Variants in EDIL3 observed in about 807,000 individuals in gnomAD.
EDIL3 encodes the protein EGF like and discoidin domains 3.
EDIL3 carries 37 observed loss-of-function variants against 67.4 expected under a neutral mutation model. The observed-to-expected ratio is 0.55, with a 90% confidence interval of 0.42 to 0.72. The LOEUF is 0.72. Ranked by LOEUF, EDIL3 falls within the 30% of genes least tolerant of loss-of-function variation. EDIL3 has a pLI of 0.00. For missense variants in EDIL3, 527 were observed against 586.3 expected (o/e 0.90, Z 1.04); for synonymous variants, 195 against 196.3 (o/e 0.99, Z 0.05).
At chr5:83,947,496 T>C (rs1744334337) in intron 10 of EDIL3, among the ~76,000 whole-genome samples, 1 of 151,470 alleles carries the variant, frequency 6.6e-6, no homozygotes, top group Non-Finnish European at 1.5e-5. Context: ...AATGGAGAAG[T>C]TAAATAAGAA....
intron 9 of EDIL3, among the ~76,000 whole-genome samples, chr5:84,056,251 C>T (rs1317732537): frequency 2.0e-5 from 3 of 151,740 alleles, no homozygotes; most frequent in Non-Finnish European, 4.4e-5. Flanking sequence ...TGTTCTCACT[C>T]ATAGGTGGGA....
chr5:83,970,282 A>ATATATATATATATATG (rs1491302084), intron 9 of EDIL3, among the ~76,000 whole-genome samples: 1 of 129,424 alleles, frequency 7.7e-6, no homozygotes, highest in Non-Finnish European at 1.7e-5. Context: ...ATATATATAT[A>ATATATATATATATATG]GTCTCTTTCA....
chr5:84,079,528 T>A (rs1485412435), intron 6 of EDIL3, among the ~76,000 whole-genome samples: 1 of 152,096 alleles, frequency 6.6e-6, no homozygotes, highest in Non-Finnish European at 1.5e-5. Flanking sequence ...AAGTAAAGTG[T>A]TAAGTGAAAG....
intron 6 of EDIL3, among the ~76,000 whole-genome samples, chr5:84,095,063 G>T (rs1747239928): frequency 6.6e-6 from 1 of 151,994 alleles, no homozygotes; most frequent in African/African-American, 2.4e-5. Flanking sequence ...CCAACAACAA[G>T]GTTCCCACAT....
In EDIL3 at chr5:84,071,141, TGA is replaced by T. The variant is rs530261113; in HGVS notation, c.652-4537_652-4536del. On this transcript the variant is annotated intron_variant, in intron 6 of 10. Coordinates refer to ENST00000296591, the MANE Select transcript of EDIL3 (RefSeq NM_005711.5). Reference sequence around the variant, plus strand: ...GGACTAAGGAGGTAAATCAGAGTGATGAGGTCCTGGTAAGAGCAGTGTCTAAG... The same window carrying T: ...GGACTAAGGAGGTAAATCAGAGTGATGGTCCTGGTAAGAGCAGTGTCTAAG... Among the ~76,000 whole-genome samples the T allele has an allele frequency of 1.1e-4, 16 of 152,250 alleles. No homozygotes were observed. In the South Asian group the frequency reaches 2.5e-3, roughly 24 times the overall value.
intron 1 of EDIL3, among the ~76,000 whole-genome samples, chr5:84,255,586 C>T (rs1178661347): frequency 6.6e-6 from 1 of 152,170 alleles, no homozygotes; most frequent in East Asian, 1.9e-4. Flanking sequence ...AGCATCTGGG[C>T]ACCAACTTCC....
intron 3 of EDIL3, among the ~76,000 whole-genome samples, chr5:84,201,001 A>T (rs1203761947): frequency 2.0e-5 from 3 of 152,116 alleles, no homozygotes; most frequent in Admixed American, 6.6e-5. Flanking sequence ...GGCATAGAGC[A>T]GGGTAAATCA....
chr5:84,212,052 C>G (rs1025370313), intron 3 of EDIL3, among the ~76,000 whole-genome samples: 1 of 152,204 alleles, frequency 6.6e-6, no homozygotes, highest in Admixed American at 6.5e-5. Context: ...TCTCCACCCC[C>G]ACTTTGCTCT....
At chr5:83,972,335 G>A (rs1160873235) in intron 9 of EDIL3, among the ~76,000 whole-genome samples, 1 of 152,066 alleles carries the variant, frequency 6.6e-6, no homozygotes, top group African/African-American at 2.4e-5. Context: ...TGCAGGCTCT[G>A]AGTCTTGGCC....
intron 4 of EDIL3, among the ~76,000 whole-genome samples, chr5:84,180,113 T>A (rs1483952408): frequency 6.6e-6 from 1 of 151,760 alleles, no homozygotes; most frequent in Non-Finnish European, 1.5e-5. Flanking sequence ...CAGATATCAG[T>A]TTAATGTAAA....
Position 84,188,264 on chromosome 5 carries a change from G to GA in EDIL3, c.227-7744dup, listed in dbSNP as rs538638117. ...ACAAACATGGTAGTTTAAAACAATA[G>GA]AATTTTATTCCTTCAGAGTTCTAGA... On this transcript the variant is annotated intron_variant, in intron 3 of 10. Coordinates refer to ENST00000296591, the MANE Select transcript of EDIL3 (RefSeq NM_005711.5). 4.6e-3 allele frequency among the ~76,000 whole-genome samples: 705 copies of GA among 152,020 alleles called. 4 individuals are homozygous for GA. The highest frequency in any genetic ancestry group is 7.6e-3 in the Non-Finnish European group (516 of 67,940).
intron 1 of EDIL3, among the ~76,000 whole-genome samples, chr5:84,320,517 G>A (rs1314157972): frequency 6.6e-6 from 1 of 151,834 alleles, no homozygotes; most frequent in African/African-American, 2.4e-5. Context: ...AATACAATCT[G>A]GTCAGCAGGC....
At chr5:83,990,089 C>T (rs1745123803) in intron 9 of EDIL3, among the ~76,000 whole-genome samples, 1 of 152,120 alleles carries the variant, frequency 6.6e-6, no homozygotes, top group South Asian at 2.1e-4. Flanking sequence ...CTTCTGAGGC[C>T]CTGAGCAGAG....
chr5:84,033,309 G>T (rs1035736877), intron 9 of EDIL3, among the ~76,000 whole-genome samples: 1 of 152,176 alleles, frequency 6.6e-6, no homozygotes, highest in African/African-American at 2.4e-5. Context: ...CTTGACCACT[G>T]AGGATTAGTA....
chr5:84,373,176 C>A (rs377127660), intron 1 of EDIL3, among the ~76,000 whole-genome samples: 1 of 152,114 alleles, frequency 6.6e-6, no homozygotes, highest in African/African-American at 2.4e-5. Context: ...CTGAACTACA[C>A]CCCGTCATTC....
At chr5:84,305,870 C>G (rs1156731239) in intron 1 of EDIL3, among the ~76,000 whole-genome samples, 1 of 150,896 alleles carries the variant, frequency 6.6e-6, no homozygotes, top group East Asian at 1.9e-4. Context: ...CAGAGCAAGA[C>G]TTGGTCTTAA....
At chr5:84,371,341 A>ATATATATATATGTGTGTGTGTG (rs1008172581) in intron 1 of EDIL3, among the ~76,000 whole-genome samples, 3 of 129,694 alleles carry the variant, frequency 2.3e-5, no homozygotes, top group African/African-American at 8.2e-5. Flanking sequence ...ATATATATAT[A>ATATATATATATGTGTGTGTGTG]TGTGTGTGTG....
chr5:84,221,822 T>C (rs1439351881), intron 3 of EDIL3, among the ~76,000 whole-genome samples: 2 of 151,984 alleles, frequency 1.3e-5, no homozygotes, highest in African/African-American at 4.8e-5. Flanking sequence ...CTCCAGGCAC[T>C]AGAGGGAAAA....
chr5:83,986,654 T>A (rs1036333293), intron 9 of EDIL3, among the ~76,000 whole-genome samples: 22 of 152,016 alleles, frequency 1.4e-4, no homozygotes, highest in African/African-American at 5.3e-4. Flanking sequence ...CAGACTTGTG[T>A]ATATATATAT....
Sources: gnomAD v4.1 joint callset for allele counts (sites outside exome capture counted in the v4.1 genomes callset) on GRCh38, gnomAD v4.1.1 for gene constraint, MANE v1.5 for transcripts, NCBI Gene and HGNC (gene_info 2026-07-23, HGNC 2026-07-21) for gene names.